SLC44A5: variants seen among roughly 807,000 people sequenced by gnomAD.
SLC44A5 encodes solute carrier family 44 member 5.
A neutral mutation model predicts 101.8 loss-of-function variants in SLC44A5; 57 were observed. The observed-to-expected ratio is 0.56, with a 90% CI of 0.45 to 0.70. SLC44A5 has a LOEUF of 0.70. SLC44A5 is among the 30% of genes least tolerant of loss of function. The pLI is 0.00. For missense variants in SLC44A5, 737 were observed against 853.1 expected, an observed-to-expected ratio of 0.86 and a Z score of 1.70; for synonymous variants, 281 against 290.9, an observed-to-expected ratio of 0.97 and a Z score of 0.35.
intron 2 of SLC44A5, among the ~76,000 whole-genome samples, chr1:75,456,521 T>A (rs1570333184): frequency 6.6e-6 from 1 of 152,180 alleles, no homozygotes; most frequent in African/African-American, 2.4e-5. Flanking sequence ...AAAAATAAGC[T>A]ATTTTGGCTC....
intron 5 of SLC44A5, among the ~76,000 whole-genome samples, chr1:75,285,448 A>AT (rs199721050): frequency 5.6e-4 from 84 of 151,106 alleles, no homozygotes; most frequent in African/African-American, 1.7e-3. Flanking sequence ...TTCATTTATC[A>AT]TTTTTTTTGT....
chr1:75,500,736 A>T lies in SLC44A5; in HGVS notation c.13+40699T>A, dbSNP rs77596447. Among the ~76,000 whole-genome samples, 885 of 152,310 alleles carry T rather than the reference A, an allele frequency of 5.8e-3. 3 individuals carry two copies. Among genetic ancestry groups the T allele is most frequent in the African/African-American group, 0.02 (848 of 41,562 alleles). On this transcript the variant is annotated intron_variant, in intron 2 of 23. Coordinates refer to ENST00000370859, the MANE Select transcript of SLC44A5 (RefSeq NM_001130058.2). ...CTCTTCAGTACAATTATTGGTAACAACAGAGAAAGTTACTTTGGTGAAAGA... is the reference window on the plus strand; with the variant it reads ...CTCTTCAGTACAATTATTGGTAACATCAGAGAAAGTTACTTTGGTGAAAGA...
chr1:75,313,622 G>A (rs1293495924), intron 4 of SLC44A5, among the ~76,000 whole-genome samples: 1 of 152,138 alleles, frequency 6.6e-6, no homozygotes, highest in African/African-American at 2.4e-5. Flanking sequence ...ACTGAACTGT[G>A]TTGTTTCTAG....
At chr1:75,480,247 A>G (rs1448358256) in intron 2 of SLC44A5, among the ~76,000 whole-genome samples, 4 of 152,262 alleles carry the variant, frequency 2.6e-5, no homozygotes, top group South Asian at 2.1e-4. Context: ...TTGATGGGAC[A>G]TATCTCAAAA....
intron 1 of SLC44A5, among the ~76,000 whole-genome samples, chr1:75,548,688 A>C (rs1324515930): frequency 1.3e-5 from 2 of 152,178 alleles, no homozygotes; most frequent in African/African-American, 4.8e-5. Context: ...TCAATTGTTT[A>C]GAGTGAAAAT....
intron 2 of SLC44A5, among the ~76,000 whole-genome samples, chr1:75,535,057 T>G (rs1380163764): frequency 7.0e-6 from 1 of 143,436 alleles, no homozygotes; most frequent in Non-Finnish European, 1.5e-5. Context: ...TTAGGCTTAC[T>G]ATAATTGAAG....
At chr1:75,509,150 C>A (rs115622475) in intron 2 of SLC44A5, among the ~76,000 whole-genome samples, 2 of 152,146 alleles carry the variant, frequency 1.3e-5, no homozygotes, top group African/African-American at 4.8e-5. Context: ...GTGCTTCACA[C>A]TGAGATAAAA....
intron 2 of SLC44A5, among the ~76,000 whole-genome samples, chr1:75,468,507 G>A (rs573339462): frequency 1.3e-5 from 2 of 152,278 alleles, no homozygotes; most frequent in South Asian, 2.1e-4. Context: ...ACTAGAGCCT[G>A]TCATATGCAA....
intron 3 of SLC44A5, among the ~76,000 whole-genome samples, chr1:75,340,051 A>G (rs902188282): frequency 1.3e-5 from 2 of 152,202 alleles, no homozygotes; most frequent in African/African-American, 4.8e-5. Context: ...CATTCCTCTC[A>G]GTAGATTAGA....
chr1:75,627,269 T>C, the SLC44A5 span, among the ~76,000 whole-genome samples: 1 of 152,156 alleles, frequency 6.6e-6, no homozygotes, highest in Non-Finnish European at 1.5e-5. Flanking sequence ...TCTTAGTCAT[T>C]ATAATAGGAA....
At chr1:75,573,339 A>G (rs967132763) in intron 1 of SLC44A5, among the ~76,000 whole-genome samples, 1 of 151,864 alleles carries the variant, frequency 6.6e-6, no homozygotes, top group African/African-American at 2.4e-5. Flanking sequence ...GGGAGACTCC[A>G]TCTCAAAAAA....
At chr1:75,686,097 C>A in the SLC44A5 span, among the ~76,000 whole-genome samples, 2 of 152,064 alleles carry the variant, frequency 1.3e-5, no homozygotes, top group African/African-American at 2.4e-5. Flanking sequence ...GGTAACCACC[C>A]CCATGGTTCA....
intron 2 of SLC44A5, among the ~76,000 whole-genome samples, chr1:75,512,534 ATG>A (rs1429645105): frequency 1.3e-5 from 2 of 152,186 alleles, no homozygotes; most frequent in Non-Finnish European, 2.9e-5. Flanking sequence ...TCATTCAACA[ATG>A]ATTTGGTGTC....
intron 1 of SLC44A5, among the ~76,000 whole-genome samples, chr1:75,559,205 A>ATAGG (rs1419148494): frequency 6.6e-6 from 1 of 152,208 alleles, no homozygotes; most frequent in Admixed American, 6.6e-5. Flanking sequence ...ACAGTTCCTA[A>ATAGG]TAGGTACTCA....
chr1:75,494,024 T>C (rs1268491754), intron 2 of SLC44A5, among the ~76,000 whole-genome samples: 2 of 152,154 alleles, frequency 1.3e-5, no homozygotes, highest in African/African-American at 4.8e-5. Context: ...CTGCTATGGT[T>C]TGAATGTTTG....
chr1:75,446,083 C>T (rs1665558078), intron 2 of SLC44A5, among the ~76,000 whole-genome samples: 1 of 152,162 alleles, frequency 6.6e-6, no homozygotes, highest in Non-Finnish European at 1.5e-5. Context: ...TTCTCAACAT[C>T]GTTGCAGTAG....
At chr1:75,386,715 A>C (rs1271861408) in intron 3 of SLC44A5, among the ~76,000 whole-genome samples, 2 of 151,810 alleles carry the variant, frequency 1.3e-5, no homozygotes, top group South Asian at 2.1e-4. Context: ...ACTACTTTAA[A>C]GTTCATATGG....
intron 1 of SLC44A5, among the ~76,000 whole-genome samples, chr1:75,561,231 G>T (rs576113552): frequency 2.6e-4 from 39 of 152,206 alleles, no homozygotes; most frequent in African/African-American, 8.7e-4. Flanking sequence ...TATACATGGA[G>T]TCTCCCAGTA....
chr1:75,466,006 A>G (rs1222602022), intron 2 of SLC44A5, among the ~76,000 whole-genome samples: 1 of 152,246 alleles, frequency 6.6e-6, no homozygotes, highest in Admixed American at 6.5e-5. Flanking sequence ...GGATGAGAGC[A>G]TACTTCCAAA....
Sources: gnomAD v4.1 joint callset for allele counts (sites outside exome capture counted in the v4.1 genomes callset) on GRCh38, gnomAD v4.1.1 for gene constraint, MANE v1.5 for transcripts, NCBI Gene and HGNC (gene_info 2026-07-23, HGNC 2026-07-21) for gene names.